The following LUZP2 variants were observed in gnomAD, a reference collection of about 807,000 sequenced individuals.
The protein encoded by LUZP2 is leucine zipper protein 2.
LUZP2 carries 52 observed loss-of-function variants against 51.6 expected under a neutral mutation model. That is an observed-to-expected ratio of 1.01 (90% confidence interval 0.81 to 1.27). LUZP2 has a LOEUF of 1.27. LUZP2 is among the 50% of genes most tolerant of loss of function. The pLI, the probability that LUZP2 is intolerant of heterozygous loss-of-function variation, is 0.00. For synonymous variants in LUZP2, 154 were observed against 137.3 expected (o/e 1.12, Z -0.85); for missense variants, 436 against 395.4 (o/e 1.10, Z -0.87).
At chr11:24,929,639 A>G (rs1161908435) in intron 7 of LUZP2, among the ~76,000 whole-genome samples, 1 of 152,098 alleles carries the variant, frequency 6.6e-6, no homozygotes, top group Non-Finnish European at 1.5e-5. Context: ...GTGGCCCGTC[A>G]TATGGTCTAT....
chr11:24,748,605 G>A (rs11028137), intron 4 of LUZP2, among the ~76,000 whole-genome samples: 22,046 of 151,864 alleles, frequency 0.15, 2,008 homozygotes, highest in East Asian at 0.22. Flanking sequence ...GACTACTGGC[G>A]CGTGCCACCA....
At chr11:24,991,412 A>ATATATATG (rs1856340539) in intron 9 of LUZP2, among the ~76,000 whole-genome samples, 1 of 147,834 alleles carries the variant, frequency 6.8e-6, no homozygotes, top group Admixed American at 6.8e-5. Flanking sequence ...ATATATATAT[A>ATATATATG]TATATATTCC....
chr11:25,069,981 C>G (rs1207832748), intron 10 of LUZP2, among the ~76,000 whole-genome samples: 4 of 151,756 alleles, frequency 2.6e-5, no homozygotes, highest in African/African-American at 9.7e-5. Flanking sequence ...TGAGCATTAA[C>G]AGTTCTATTG....
intron 11 of LUZP2, among the ~76,000 whole-genome samples, chr11:25,077,925 T>A (rs1331529032): frequency 3.3e-5 from 5 of 152,184 alleles, no homozygotes; most frequent in African/African-American, 4.8e-5. Context: ...ACTAAGCTTT[T>A]GGCTTGACTA....
chr11:25,060,177 C>T (rs1858796961), intron 10 of LUZP2, among the ~76,000 whole-genome samples: 1 of 152,088 alleles, frequency 6.6e-6, no homozygotes, highest in South Asian at 2.1e-4. Flanking sequence ...GTTGCTATAA[C>T]AAAACACCAT....
intron 5 of LUZP2, among the ~76,000 whole-genome samples, chr11:24,863,514 A>G (rs1394095072): frequency 6.6e-6 from 1 of 152,076 alleles, no homozygotes; most frequent in Non-Finnish European, 1.5e-5. Context: ...GCATACAGAC[A>G]AAAAGTATAT....
intron 5 of LUZP2, among the ~76,000 whole-genome samples, chr11:24,808,395 A>G (rs1475894424): frequency 6.6e-6 from 1 of 152,174 alleles, no homozygotes; most frequent in Non-Finnish European, 1.5e-5. Flanking sequence ...AAATTCCAAT[A>G]CTTACACAAC....
chr11:24,889,685 G>A (rs947990109), intron 5 of LUZP2, among the ~76,000 whole-genome samples: 2 of 152,134 alleles, frequency 1.3e-5, no homozygotes, highest in Admixed American at 6.5e-5. Flanking sequence ...AGCTGAGGCT[G>A]CTTGTAATTA....
chr11:24,517,737 T>C (rs996658337), intron 1 of LUZP2, among the ~76,000 whole-genome samples: 2 of 152,032 alleles, frequency 1.3e-5, no homozygotes, highest in Non-Finnish European at 2.9e-5. Flanking sequence ...AAGTGTTAAA[T>C]GAGAGTTTAA....
At chr11:24,675,339 C>A (rs909663801) in intron 1 of LUZP2, among the ~76,000 whole-genome samples, 12 of 152,136 alleles carry the variant, frequency 7.9e-5, no homozygotes, top group Admixed American at 2.0e-4. Context: ...AGAAAAATCT[C>A]AATTTCCTTG....
At chr11:24,871,707 G>A (rs564798019) in intron 5 of LUZP2, among the ~76,000 whole-genome samples, 2 of 152,004 alleles carry the variant, frequency 1.3e-5, no homozygotes, top group East Asian at 3.9e-4. Context: ...CTTTCATAGA[G>A]CCAGTATTCC....
At chr11:24,520,799 T>C (rs1850615937) in intron 1 of LUZP2, among the ~76,000 whole-genome samples, 1 of 152,202 alleles carries the variant, frequency 6.6e-6, no homozygotes, top group Non-Finnish European at 1.5e-5. Context: ...GCAGGTTTAC[T>C]AATTACCAGT....
At chr11:24,587,929 C>T (rs1853130696) in intron 1 of LUZP2, among the ~76,000 whole-genome samples, 1 of 151,938 alleles carries the variant, frequency 6.6e-6, no homozygotes, top group African/African-American at 2.4e-5. Flanking sequence ...TTTTATTTTC[C>T]TTTTAGAAAA....
chr11:24,577,165 G>A, intron 1 of LUZP2, among the ~76,000 whole-genome samples: 1 of 151,482 alleles, frequency 6.6e-6, no homozygotes, highest in East Asian at 1.9e-4. Flanking sequence ...ATCAGCTGGT[G>A]CCTAAAATGA....
intron 7 of LUZP2, among the ~76,000 whole-genome samples, chr11:24,961,348 G>T (rs1188569631): frequency 2.0e-5 from 3 of 152,168 alleles, no homozygotes; most frequent in South Asian, 2.1e-4. Context: ...ACAGTGGGGT[G>T]TTAAAATCTC....
intron 4 of LUZP2, among the ~76,000 whole-genome samples, chr11:24,762,605 C>G (rs1291985121): frequency 6.6e-6 from 1 of 152,054 alleles, no homozygotes; most frequent in Non-Finnish European, 1.5e-5. Flanking sequence ...GACTAGTGTA[C>G]TCTCAGGGAT....
At chr11:24,639,111 C>G (rs1855197538) in intron 1 of LUZP2, among the ~76,000 whole-genome samples, 1 of 151,626 alleles carries the variant, frequency 6.6e-6, no homozygotes, top group African/African-American at 2.4e-5. Context: ...AACTTTTTCT[C>G]TATAGCAATA....
chr11:24,582,800 A>C (rs963753234), intron 1 of LUZP2, among the ~76,000 whole-genome samples: 1 of 152,194 alleles, frequency 6.6e-6, no homozygotes, highest in Admixed American at 6.6e-5. Context: ...GAATTTAAAA[A>C]TTTTTTGAAC....
chr11:24,763,270 G>T lies in LUZP2; in HGVS notation c.358G>T (p.Glu120Ter). The T allele has an allele frequency of 7.2e-7, 1 of 1,391,210 alleles. No individual in the cohort carries two copies. The allele number at this position is 1,391,210 out of a possible 1,614,324, so 86.2% of individuals were successfully genotyped here. A position where few individuals can be genotyped will look rare whatever the true frequency, so the allele number is the denominator to read the frequency against. Residue 120 changes from glutamate (E) to a stop codon, truncating the protein, a stop_gained, in exon 5 of 12, where the codon GAA becomes TAA. Transcript: ENST00000336930. LOFTEE classifies it high-confidence loss of function. ...GATTAATTTTTTAAAGACTGAAGTT[G>T]AAAGAAAGAGCAAAATGATCCGAGA... is the stretch of plus-strand genomic sequence containing the variant. ...ATINFLKTEVERKSKMIRDLQ... is the reference protein window; with the variant it reads ...ATINFLKTEV
Sources: gnomAD v4.1 joint callset for allele counts (sites outside exome capture counted in the v4.1 genomes callset) on GRCh38, gnomAD v4.1.1 for gene constraint, MANE v1.5 for transcripts, NCBI Gene and HGNC (gene_info 2026-07-23, HGNC 2026-07-21) for gene names.